The following AZIN2 variants were observed in gnomAD, a reference collection of about 807,000 sequenced individuals.
AZIN2 encodes the protein ODC antizyme inhibitor-2.
AZIN2 carries 28 observed loss-of-function variants against 47.8 expected under a neutral mutation model. That is an observed-to-expected ratio of 0.59 (90% CI 0.43 to 0.80). AZIN2 has a LOEUF of 0.80. Ranked by LOEUF, AZIN2 falls within the 30% of genes least tolerant of loss-of-function variation. AZIN2 has a pLI of 0.00. For synonymous variants in AZIN2, 221 were observed against 239.4 expected (o/e 0.92, Z 0.71); for missense variants, 535 against 582.5 (o/e 0.92, Z 0.84).
At chr1:33,091,093 T>G (rs1642498425) in intron 5 of AZIN2, among the ~76,000 whole-genome samples, 1 of 152,240 alleles carries the variant, frequency 6.6e-6, no homozygotes, top group Non-Finnish European at 1.5e-5. Flanking sequence ...TATCTGTTCA[T>G]CTGTGATGGA....
the AZIN2 span, chr1:33,147,767 A>G: frequency 1.5e-5 from 23 of 1,584,244 alleles, no homozygotes; most frequent in African/African-American, 2.7e-5. This position sits in a 1 kb window ranked among gnomAD's most constrained non-coding sequence, Gnocchi z 8.1. Context: ...GAGTGGGGAG[A>G]AGGCTGTGGA....
chr1:33,149,405 C>T, the AZIN2 span, among the ~76,000 whole-genome samples: 2,524 of 151,750 alleles, frequency 0.017, 68 homozygotes, highest in African/African-American at 0.058. Flanking sequence ...CTGCCCACCT[C>T]GGCCTCCCAA....
At position 33,110,676 on chromosome 1, in the gene AZIN2, C is replaced by T. The variant is rs181526932; in HGVS notation, c.1030-7226C>T. ...GGAAGATAGAGTTGAAGAAAGTATC[C>T]AAATGTAGCACAGAGACAAAAAGAT... On this transcript the variant is annotated intron_variant, in intron 10 of 11. Transcript: ENST00000294517. 1.3e-3 allele frequency among the ~76,000 whole-genome samples: 202 copies of T among 151,948 alleles called. 1 individual carries two copies. Among genetic ancestry groups the T allele is most frequent in the African/African-American group, 4.5e-3 (185 of 41,404 alleles).
chr1:33,093,109 A>C, intron 6 of AZIN2, 173 bp from the exon 7 acceptor site: 1 of 779,540 alleles, frequency 1.3e-6, no homozygotes, highest in East Asian at 2.8e-5. Flanking sequence ...CATTTAGAGA[A>C]TGGATTGGAC....
the AZIN2 span, chr1:33,147,747 G>T: frequency 6.3e-7 from 1 of 1,598,846 alleles, no homozygotes; most frequent in East Asian, 2.2e-5. The surrounding 1 kb of genome is among the most constrained non-coding windows in gnomAD (Gnocchi z 8.1). Flanking sequence ...TTGGAGGAGG[G>T]AGAGAAGATG....
Position 33,098,053 on chromosome 1 carries a change from C to T in AZIN2, c.917-14C>T. 1 of 1,601,142 alleles carries T rather than the reference C, an allele frequency of 6.2e-7. No individual in the cohort carries two copies. Among genetic ancestry groups the T allele is most frequent in the Non-Finnish European group, 8.6e-7 (1 of 1,168,138 alleles). ...TTGCTACTTGTGCTGCCTCTGAACCCTCCCCTCCTGCAGAGGAAAATGGTT... is the reference window on the plus strand; with the variant it reads ...TTGCTACTTGTGCTGCCTCTGAACCTTCCCCTCCTGCAGAGGAAAATGGTT... On this transcript the variant is annotated splice_polypyrimidine_tract_variant and intron_variant, in intron 9 of 11. Transcript: ENST00000294517.
At chr1:33,157,881 C>T in the AZIN2 span, among the ~76,000 whole-genome samples, 44 of 151,888 alleles carry the variant, frequency 2.9e-4, no homozygotes, top group African/African-American at 6.5e-4. Flanking sequence ...CTCAGCCTCT[C>T]GAGTAGCTGG....
At chr1:33,091,722 A>C (rs1470799219) in intron 5 of AZIN2, among the ~76,000 whole-genome samples, 6 of 152,182 alleles carry the variant, frequency 3.9e-5, no homozygotes, top group African/African-American at 1.4e-4. Context: ...TATAATAAAT[A>C]TACTGATTTT....
At chr1:33,148,986 A>G in the AZIN2 span, among the ~76,000 whole-genome samples, 1 of 151,836 alleles carries the variant, frequency 6.6e-6, no homozygotes, top group African/African-American at 2.4e-5. Flanking sequence ...CCCCTACCCC[A>G]CTTAGGTCCA....
the AZIN2 span, among the ~76,000 whole-genome samples, chr1:33,150,413 A>G: frequency 2.0e-5 from 3 of 152,228 alleles, no homozygotes; most frequent in Non-Finnish European, 4.4e-5. Context: ...CTGTTCATAT[A>G]CCCACTGGAC....
intron 7 of AZIN2, among the ~76,000 whole-genome samples, chr1:33,094,198 C>G (rs1642890778): frequency 6.6e-6 from 1 of 152,188 alleles, no homozygotes; most frequent in Non-Finnish European, 1.5e-5. Flanking sequence ...TGGGTCTTGT[C>G]CCCGCATTAT....
chr1:33,160,607 G>A, the AZIN2 span, among the ~76,000 whole-genome samples: 6 of 152,062 alleles, frequency 3.9e-5, no homozygotes, highest in African/African-American at 1.4e-4. Flanking sequence ...GTTTCACCAT[G>A]TTGGCCAGGC....
chr1:33,120,851 A>G lies in AZIN2; in HGVS notation c.*669A>G, dbSNP rs1181467125. 6.6e-6 allele frequency among the ~76,000 whole-genome samples: 1 copy of G among 152,188 alleles called. No individual in the cohort carries two copies. The highest frequency in any genetic ancestry group is 1.5e-5 in the Non-Finnish European group (1 of 68,020). ...GAGTAGGGGCAATGGAGTATTTAAC[A>G]CAGCTGTGGAAATTCATACTGAAGA... On this transcript the variant is annotated 3_prime_UTR_variant, in exon 12 of 12. Coordinates refer to ENST00000294517, the MANE Select transcript of AZIN2 (RefSeq NM_052998.4).
At chr1:33,165,776 T>C in the AZIN2 span, 1 of 406,886 alleles carries the variant, frequency 2.5e-6, no homozygotes, top group Non-Finnish European at 4.4e-6. The surrounding 1 kb of genome is among the most constrained non-coding windows in gnomAD (Gnocchi z 4.0). Flanking sequence ...CCTGCATCTT[T>C]GCAACAACCT....
At chr1:33,148,224 C>T in the AZIN2 span, among the ~76,000 whole-genome samples, 1 of 152,184 alleles carries the variant, frequency 6.6e-6, no homozygotes, top group Non-Finnish European at 1.5e-5. Context: ...TGCCCCACAC[C>T]TTCCCCGACT....
At chr1:33,103,371 C>T (rs188782511) in intron 10 of AZIN2, among the ~76,000 whole-genome samples, 1 of 152,194 alleles carries the variant, frequency 6.6e-6, no homozygotes, top group African/African-American at 2.4e-5. Flanking sequence ...GTTTTTGTAA[C>T]ACCTAAGTTG....
chr1:33,091,950 C>T (rs944823998), intron 5 of AZIN2, 100 bp from the exon 6 acceptor site: 4 of 1,293,198 alleles, frequency 3.1e-6, no homozygotes, highest in Non-Finnish European at 4.3e-6. Context: ...TATGGGCCTC[C>T]CTATGCATAG....
intron 8 of AZIN2, 112 bp from the exon 9 acceptor site, chr1:33,096,592 CCTT>C: frequency 7.4e-7 from 1 of 1,351,078 alleles, no homozygotes; most frequent in Non-Finnish European, 1.0e-6. Context: ...GCTGCCAAAT[CCTT>C]CTTCCGGAAA....
At chr1:33,137,292 C>G in the AZIN2 span, among the ~76,000 whole-genome samples, 2 of 152,190 alleles carry the variant, frequency 1.3e-5, no homozygotes, top group Non-Finnish European at 1.5e-5. Context: ...AGAAAGTCAT[C>G]TTAACTCTCT....
Sources: gnomAD v4.1 joint callset for allele counts (sites outside exome capture counted in the v4.1 genomes callset) on GRCh38, gnomAD v4.1.1 for gene constraint, Gnocchi (gnomAD v3.1) non-coding constraint, MANE v1.5 for transcripts, NCBI Gene and HGNC (gene_info 2026-07-23, HGNC 2026-07-21) for gene names.